Variants in DLG2 observed in about 807,000 individuals in gnomAD.
The protein encoded by DLG2 is discs large MAGUK scaffold protein 2.
In DLG2, 45 loss-of-function variants were observed where a neutral mutation model predicts 132.5. That is an observed-to-expected ratio of 0.34 (90% CI 0.27 to 0.44). The LOEUF (loss-of-function observed/expected upper bound fraction) is 0.44. Ranked by LOEUF, DLG2 falls within the 20% of genes least tolerant of loss-of-function variation. The probability of loss-of-function intolerance (pLI) is 1.00; values close to 1 mark genes in which losing one functional copy is unlikely to be tolerated. For missense variants in DLG2, 1,045 were observed against 1,196.9 expected (o/e 0.87, Z 1.87); for synonymous variants, 424 against 419.6 (o/e 1.01, Z -0.13).
rs374701008 is a variant in DLG2, at chr11:85,070,946, AG to A, written c.357+40714del. ...AGGTTGGAGAGGAGTACAAAATAGCAGTGAAGAGCTTGGACACTGGAGTCAG... is the reference window on the plus strand; with the variant it reads ...AGGTTGGAGAGGAGTACAAAATAGCATGAAGAGCTTGGACACTGGAGTCAG... On this transcript the variant is annotated intron_variant, in intron 6 of 27. Coordinates refer to ENST00000376104, the MANE Select transcript of DLG2 (RefSeq NM_001142699.3). Among the ~76,000 whole-genome samples, 14 of 152,008 alleles carry A rather than the reference AG, an allele frequency of 9.2e-5. No individual in the cohort carries two copies. In the East Asian group the frequency reaches 2.7e-3, roughly 30 times the overall value.
At chr11:84,951,000 C>T (rs1379350318) in intron 6 of DLG2, among the ~76,000 whole-genome samples, 2 of 152,152 alleles carry the variant, frequency 1.3e-5, no homozygotes, top group Non-Finnish European at 2.9e-5. Context: ...GTAGACTCTA[C>T]CAGATAAAAT....
At chr11:85,135,722 C>T (rs563396539) in intron 5 of DLG2, among the ~76,000 whole-genome samples, 1 of 152,288 alleles carries the variant, frequency 6.6e-6, no homozygotes, top group Non-Finnish European at 1.5e-5. Flanking sequence ...AAAATGCACT[C>T]CTTAAAGATA....
At chr11:85,334,785 G>C (rs2082013637) in intron 3 of DLG2, among the ~76,000 whole-genome samples, 1 of 152,204 alleles carries the variant, frequency 6.6e-6, no homozygotes. Flanking sequence ...TGTGGTCTGA[G>C]AGTGTGGTTG....
chr11:84,836,752 C>T lies in DLG2; in HGVS notation c.357+274909G>A, dbSNP rs532984008. The stretch of plus-strand genomic sequence containing the variant: ...TTTCTAACAACCTATAATGTTATGC[C>T]ATAACATTGATTTTATTTTTGTTGT... On this transcript the variant is annotated intron_variant, in intron 6 of 27. Coordinates refer to ENST00000376104, the MANE Select transcript of DLG2 (RefSeq NM_001142699.3). Among the ~76,000 whole-genome samples, 6 of 151,818 alleles carry T rather than the reference C, an allele frequency of 4.0e-5. No homozygotes were observed. In the East Asian group the frequency reaches 1.2e-3, roughly 30 times the overall value.
chr11:85,002,454 G>T (rs2058298127), intron 6 of DLG2, among the ~76,000 whole-genome samples: 1 of 152,132 alleles, frequency 6.6e-6, no homozygotes, highest in South Asian at 2.1e-4. Flanking sequence ...TCAAAGTAGG[G>T]CCCTTGGACT....
chr11:83,834,127 A>C (rs2055403824), intron 16 of DLG2, among the ~76,000 whole-genome samples: 1 of 152,212 alleles, frequency 6.6e-6, no homozygotes, highest in African/African-American at 2.4e-5. Flanking sequence ...TTTTGGGAAG[A>C]AGAGACTAAG....
intron 6 of DLG2, among the ~76,000 whole-genome samples, chr11:84,870,758 G>A (rs573796923): frequency 6.6e-6 from 1 of 152,166 alleles, no homozygotes; most frequent in African/African-American, 2.4e-5. Context: ...CTTCCTATTT[G>A]TAGTGTGACA....
chr11:84,243,815 GTTTTA>G (rs1315506332), intron 8 of DLG2, among the ~76,000 whole-genome samples: 1 of 152,128 alleles, frequency 6.6e-6, no homozygotes, highest in Non-Finnish European at 1.5e-5. Context: ...TCAGAGAAAT[GTTTTA>G]TTTTATCATA....
At chr11:85,377,361 G>A (rs1053014743) in intron 3 of DLG2, among the ~76,000 whole-genome samples, 2 of 152,100 alleles carry the variant, frequency 1.3e-5, no homozygotes, top group Non-Finnish European at 2.9e-5. Flanking sequence ...GGCAAGTTAT[G>A]AAAGCTTGAG....
At chr11:84,705,643 C>T (rs1391751925) in intron 6 of DLG2, among the ~76,000 whole-genome samples, 2 of 151,700 alleles carry the variant, frequency 1.3e-5, no homozygotes, top group African/African-American at 2.4e-5. Context: ...TACTTATCAA[C>T]CAACTTCTAG....
intron 6 of DLG2, among the ~76,000 whole-genome samples, chr11:84,882,554 CCT>C (rs902243320): frequency 2.0e-4 from 31 of 152,072 alleles, no homozygotes; most frequent in Admixed American, 5.2e-4. Context: ...CCAGAGCGCC[CCT>C]GAGTCATGGA....
rs759631501 is a variant in DLG2, at chr11:84,740,366, T to TA, written c.358-205636dup. Among the ~76,000 whole-genome samples the TA allele has an allele frequency of 6.6e-5, 10 of 152,220 alleles. No individual in the cohort carries two copies. In the East Asian group the frequency reaches 1.7e-3, roughly 27 times the overall value. On this transcript the variant is annotated intron_variant, in intron 6 of 27. Coordinates refer to ENST00000376104, the MANE Select transcript of DLG2 (RefSeq NM_001142699.3). ...AGGCTCCATTGCCACTGGATATACT[T>TA]ACAATCCTTACTACAGAAGAACCCC...
intron 6 of DLG2, among the ~76,000 whole-genome samples, chr11:84,848,668 T>C (rs941761619): frequency 2.5e-4 from 38 of 152,154 alleles, no homozygotes; most frequent in African/African-American, 9.2e-4. Context: ...GATCCATCTG[T>C]ACCAATACAT....
At chr11:83,984,229 G>C (rs1200058342) in intron 11 of DLG2, among the ~76,000 whole-genome samples, 3 of 108,448 alleles carry the variant, frequency 2.8e-5, no homozygotes, top group Non-Finnish European at 6.6e-5. Flanking sequence ...TAGATAGATA[G>C]ATAGATAAAA....
intron 4 of DLG2, among the ~76,000 whole-genome samples, chr11:85,231,554 T>C (rs1027322149): frequency 6.6e-6 from 1 of 151,970 alleles, no homozygotes; most frequent in Non-Finnish European, 1.5e-5. Context: ...CAATCTCTAT[T>C]GACTATTTTT....
chr11:85,185,103 T>C (rs1040438067), intron 4 of DLG2, among the ~76,000 whole-genome samples: 3 of 151,988 alleles, frequency 2.0e-5, no homozygotes, highest in Admixed American at 2.0e-4. Flanking sequence ...TGGATGATTT[T>C]ATATTGTGAG....
In DLG2 at chr11:83,459,681, G is replaced by T. The variant is rs139779440; in HGVS notation, c.*137C>A. The T allele has an allele frequency of 3.3e-6, 2 of 598,624 alleles. No individual in the cohort carries two copies. The highest frequency in any genetic ancestry group is 3.0e-6 in the Non-Finnish European group (1 of 333,262). The allele number at this position is 598,624 out of a possible 1,614,324, so 37.1% of individuals were successfully genotyped here. ...TCCTTCATGGCTTCATACAGTTTGTGTTGTACATTCGTAAGAATTCACATT... is the reference window on the plus strand; with the variant it reads ...TCCTTCATGGCTTCATACAGTTTGTTTTGTACATTCGTAAGAATTCACATT... On this transcript the variant is annotated 3_prime_UTR_variant, in exon 28 of 28. Transcript: ENST00000376104.
chr11:84,327,371 C>T (rs1002210079), intron 7 of DLG2, among the ~76,000 whole-genome samples: 1 of 152,058 alleles, frequency 6.6e-6, no homozygotes, highest in African/African-American at 2.4e-5. Flanking sequence ...TTGTGAGACA[C>T]CGTGCCCAGC....
intron 5 of DLG2, among the ~76,000 whole-genome samples, chr11:85,149,065 G>A (rs2077051167): frequency 6.6e-6 from 1 of 152,190 alleles, no homozygotes; most frequent in Admixed American, 6.5e-5. Context: ...TTGTAGATAT[G>A]TGGTGTTGTT....
Sources: gnomAD v4.1 joint callset for allele counts (sites outside exome capture counted in the v4.1 genomes callset) on GRCh38, gnomAD v4.1.1 for gene constraint, MANE v1.5 for transcripts, NCBI Gene and HGNC (gene_info 2026-07-23, HGNC 2026-07-21) for gene names.